The following ZFX variants were observed in gnomAD, a reference collection of about 807,000 sequenced individuals.
ZFX encodes the protein zinc finger protein X-linked.
For synonymous variants in ZFX, 196 were observed against 226.8 expected (o/e 0.86, Z 1.22); for missense variants, 362 against 628.3 (o/e 0.58, Z 4.53).
intron 2 of ZFX, 76 bp from the exon 3 acceptor site, chrX:24,152,644 A>G (rs1017339623): frequency 3.6e-5 from 4 of 112,057 alleles, no homozygotes; most frequent in African/African-American, 1.3e-4. Context: ...GCAAGTTGAG[A>G]AGGCGGGCTG....
At chrX:24,150,528 CGCTGCGTTTCA>C (rs1419048963) in intron 1 of ZFX, 1 of 113,075 alleles carries the variant, frequency 8.8e-6, no homozygotes, top group Non-Finnish European at 1.9e-5. Flanking sequence ...CTGCAGTTTC[CGCTGCGTTTCA>C]GCTGAGCTGC....
chrX:24,175,956 ATTAC>A (rs1935090815), intron 4 of ZFX, among the ~76,000 whole-genome samples: 1 of 111,260 alleles, frequency 9.0e-6, no homozygotes, highest in African/African-American at 3.3e-5. Context: ...TTAGTGATCT[ATTAC>A]TTAATGATAA....
intron 5 of ZFX, among the ~76,000 whole-genome samples, chrX:24,199,505 C>T (rs772004345): frequency 9.0e-6 from 1 of 110,865 alleles, no homozygotes; most frequent in African/African-American, 3.3e-5. Context: ...ATTCTCCTGC[C>T]TTGGCCTCCC....
At chrX:24,207,099 G>T (rs966950410) in intron 5 of ZFX, 1 of 311,012 alleles carries the variant, frequency 3.2e-6, no homozygotes, top group Non-Finnish European at 5.6e-6. Context: ...CGGGCGTGGT[G>T]GTAGGCGCCT....
Position 24,163,840 on chromosome X carries a change from G to GA in ZFX, c.-28-8856dup, listed in dbSNP as rs746749182. Among the ~76,000 whole-genome samples the GA allele has an allele frequency of 5.8e-3, 261 of 45,012 alleles. 7 individuals are homozygous for GA. Among genetic ancestry groups the GA allele is most frequent in the East Asian group, 0.025 (25 of 1,007 alleles). The allele number at this position is 45,012 out of a possible 115,157, so 39.1% of individuals were successfully genotyped here. ...CCCAGGCCCCCTCTTTTAAAAAAAA[G>GA]AAAAAAAAAAAAAAAAAAATTCATT... On this transcript the variant is annotated intron_variant, in intron 3 of 9. Transcript: ENST00000304543.
chrX:24,155,074 G>T (rs778193454), intron 3 of ZFX, among the ~76,000 whole-genome samples: 1 of 110,536 alleles, frequency 9.0e-6, no homozygotes, highest in Non-Finnish European at 1.9e-5. Context: ...ATAAACCCCC[G>T]TGACAGAAGT....
At chrX:24,201,748 A>G (rs1937310985) in intron 5 of ZFX, among the ~76,000 whole-genome samples, 1 of 112,338 alleles carries the variant, frequency 8.9e-6, no homozygotes, top group African/African-American at 3.2e-5. Flanking sequence ...GGGTAAGTAC[A>G]TATCAGTCCA....
chrX:24,204,028 G>A (rs1187036794), intron 5 of ZFX, among the ~76,000 whole-genome samples: 2 of 112,351 alleles, frequency 1.8e-5, no homozygotes, highest in East Asian at 2.8e-4. Flanking sequence ...GCATTTTTAA[G>A]TGACTTGTTT....
intron 3 of ZFX, among the ~76,000 whole-genome samples, chrX:24,155,299 T>C (rs1932700276): frequency 8.9e-6 from 1 of 112,423 alleles, no homozygotes; most frequent in Admixed American, 9.5e-5. Context: ...TTGTTTTTTG[T>C]TTTGTTTTTT....
intron 3 of ZFX, among the ~76,000 whole-genome samples, chrX:24,169,408 G>A (rs1934344439): frequency 9.1e-6 from 1 of 110,483 alleles, no homozygotes; most frequent in Non-Finnish European, 1.9e-5. Flanking sequence ...AGTGCTTCAG[G>A]AGGGTTAATT....
At chrX:24,199,727 G>C (rs1424198187) in intron 5 of ZFX, among the ~76,000 whole-genome samples, 1 of 110,366 alleles carries the variant, frequency 9.1e-6, no homozygotes, top group Non-Finnish European at 1.9e-5. Flanking sequence ...AGACCAGCCT[G>C]ACCAACATGG....
chrX:24,149,648 GGAGCTGGGCCGCTTTTTGTCAGCTCC>G (rs1931719308), upstream of ZFX: 1 of 110,790 alleles, frequency 9.0e-6, no homozygotes. Context: ...CCCGTGCCGG[GGAGCTGGGCCGCTTTTTGTCAGCTCC>G]GAGCTCGGCC....
At chrX:24,204,658 A>G (rs952781657) in intron 5 of ZFX, among the ~76,000 whole-genome samples, 9 of 112,182 alleles carry the variant, frequency 8.0e-5, no homozygotes, top group Non-Finnish European at 5.6e-5. Context: ...CAAAAATCAC[A>G]GTTGCCTCTA....
At chrX:24,177,819 G>A (rs762624833) in intron 4 of ZFX, 2 of 751,806 alleles carry the variant, frequency 2.7e-6, no homozygotes, top group Admixed American at 8.9e-5. Flanking sequence ...TGGGAGAGAT[G>A]GAAAGAAGAA....
At chrX:24,155,683 G>A (rs1245050155) in intron 3 of ZFX, among the ~76,000 whole-genome samples, 7 of 112,249 alleles carry the variant, frequency 6.2e-5, no homozygotes, top group Non-Finnish European at 1.3e-4. Context: ...ACTGCCAAAG[G>A]ATTAGATTTT....
chrX:24,165,988 A>T (rs768299478), intron 3 of ZFX, among the ~76,000 whole-genome samples: 1 of 112,728 alleles, frequency 8.9e-6, no homozygotes, highest in Admixed American at 9.4e-5. Context: ...TGAATGCATT[A>T]AATGGCAGTA....
chrX:24,159,815 C>G (rs1292242243), intron 3 of ZFX, among the ~76,000 whole-genome samples: 4 of 111,742 alleles, frequency 3.6e-5, no homozygotes, highest in South Asian at 7.4e-4. Flanking sequence ...AAGAACCCAT[C>G]TGTGAGATTA....
At chrX:24,207,234 CAAAA>C in intron 5 of ZFX, 88 bp from the exon 6 acceptor site, 2 of 831,182 alleles carry the variant, frequency 2.4e-6, no homozygotes, top group Non-Finnish European at 3.2e-6. Flanking sequence ...GACTCCGTCT[CAAAA>C]AAAAAAATTT....
At chrX:24,154,916 A>G (rs1028986410) in intron 3 of ZFX, among the ~76,000 whole-genome samples, 9 of 111,700 alleles carry the variant, frequency 8.1e-5, no homozygotes, top group African/African-American at 2.9e-4. Flanking sequence ...ATTCTCACAT[A>G]CAGGTGGGAG....
Sources: gnomAD v4.1 joint callset for allele counts (sites outside exome capture counted in the v4.1 genomes callset) on GRCh38, gnomAD v4.1.1 for gene constraint, MANE v1.5 for transcripts, NCBI Gene and HGNC (gene_info 2026-07-23, HGNC 2026-07-21) for gene names.